Variants in ARID4B observed in about 807,000 individuals in gnomAD.
ARID4B encodes AT-rich interaction domain 4B, also known as AT-rich interactive domain-containing protein 4B.
ARID4B carries 26 observed loss-of-function variants against 147.5 expected under a neutral mutation model. The observed-to-expected ratio is 0.18, with a 90% CI of 0.13 to 0.24. ARID4B has a LOEUF of 0.24. Among genes scored for constraint, ARID4B ranks in the 10% least tolerant of loss-of-function variants. The probability of loss-of-function intolerance (pLI) is 1.00; values close to 1 mark genes in which losing one functional copy is unlikely to be tolerated. For missense variants in ARID4B, 1,179 were observed against 1,511.5 expected (o/e 0.78, Z 3.65); for synonymous variants, 512 against 507.9 (o/e 1.01, Z -0.11).
chr1:235,181,874 G>C lies in ARID4B; in HGVS notation c.3045C>G (p.Gly1015=), dbSNP rs752754514. The part of the protein sequence containing the change: ...NDRKAEFPSS[G]SNSVLNTPPT... Reference sequence around the variant, plus strand: ...GAGGGGTATTTAGCACTGAATTACTGCCACTACTTGGAAATTCTGCTTTTC... The same window carrying C: ...GAGGGGTATTTAGCACTGAATTACTCCCACTACTTGGAAATTCTGCTTTTC... The change falls in exon 20 of 24, where the codon GGC becomes GGG. Residue 1015 remains glycine, a synonymous_variant. Coordinates refer to ENST00000264183, the MANE Select transcript of ARID4B (RefSeq NM_016374.6). 7.4e-6 allele frequency: 12 copies of C among 1,614,004 alleles called. No homozygotes were observed. The Admixed American group carries it at 2.0e-4, about 27-fold the overall frequency.
At chr1:235,324,074 T>G (rs965987291) in intron 2 of ARID4B, among the ~76,000 whole-genome samples, 5 of 151,658 alleles carry the variant, frequency 3.3e-5, no homozygotes, top group Non-Finnish European at 7.4e-5. Flanking sequence ...CCCAGCTAAT[T>G]TTGTATTTTT....
At chr1:235,219,568 C>T (rs1002587125) in intron 16 of ARID4B, among the ~76,000 whole-genome samples, 8 of 152,116 alleles carry the variant, frequency 5.3e-5, no homozygotes, top group African/African-American at 1.9e-4. Context: ...TTATCAATTT[C>T]CATGATGAGA....
At chr1:235,204,049 T>C (rs1003265928) in intron 17 of ARID4B, among the ~76,000 whole-genome samples, 1 of 152,138 alleles carries the variant, frequency 6.6e-6, no homozygotes, top group Admixed American at 6.5e-5. Flanking sequence ...TCCTGCCGGG[T>C]GCAGTGGCTC....
rs988466923 is a variant in ARID4B, at chr1:235,167,564, A to G, written c.*961T>C. 5.0e-5 allele frequency: 11 copies of G among 220,648 alleles called. No individual in the cohort carries two copies. The highest frequency in any genetic ancestry group is 4.0e-4 in the Admixed American group (7 of 17,350). The allele number at this position is 220,648 out of a possible 1,614,324, so 13.7% of individuals were successfully genotyped here. A position where few individuals can be genotyped will look rare whatever the true frequency, so the allele number is the denominator to read the frequency against. On this transcript the variant is annotated 3_prime_UTR_variant, in exon 24 of 24. Coordinates refer to ENST00000264183, the MANE Select transcript of ARID4B (RefSeq NM_016374.6). ...CCACCATCCTTTTGAGACAGTTCCT[A>G]TCAACAATCTTGAACCATACTAATA...
At chr1:235,236,833 A>ATATATATATATATATATATATGTGTAT (rs1668597409) in intron 8 of ARID4B, among the ~76,000 whole-genome samples, 7 of 33,522 alleles carry the variant, frequency 2.1e-4, no homozygotes, top group South Asian at 1.6e-3. Flanking sequence ...TTTTATAAAA[A>ATATATATATATATATATATATGTGTAT]ATATATATAT....
chr1:235,272,874 G>A (rs183461541), intron 2 of ARID4B, among the ~76,000 whole-genome samples: 4 of 152,102 alleles, frequency 2.6e-5, no homozygotes, highest in Admixed American at 6.5e-5. Flanking sequence ...ATCAGATCAC[G>A]TAGAAATTAG....
In ARID4B at chr1:235,257,181, G is replaced by C. The variant is rs575405740; in HGVS notation, c.162C>G (p.Asp54Glu). The stretch of plus-strand genomic sequence containing the variant: ...TTACCTTTAGTGGGCCCTTTATGTG[G>C]TCATCCTGAACTTCCACTGTTGAAG... Reference protein sequence around the residue: ...HDSSTVEVQDDHIKGPLKVGA... With the variant: ...HDSSTVEVQDEHIKGPLKVGA... Residue 54 changes from aspartate to glutamate, a missense_variant, in exon 4 of 24, where the codon GAC becomes GAG. Asp to Glu is a conservative substitution (Grantham distance 45). Around this residue, in one of 10 missense-constraint regions of ARID4B, gnomAD observed 56 missense variants for 99.2 expected, o/e 0.56. Coordinates refer to ENST00000264183, the MANE Select transcript of ARID4B (RefSeq NM_016374.6). 1 of 1,611,910 alleles carries C rather than the reference G, an allele frequency of 6.2e-7. No homozygotes were observed. Among genetic ancestry groups the C allele is most frequent in the African/African-American group, 1.3e-5 (1 of 74,830 alleles).
chr1:235,200,447 C>A (rs1020274275), intron 17 of ARID4B, among the ~76,000 whole-genome samples: 1 of 152,028 alleles, frequency 6.6e-6, no homozygotes, highest in Non-Finnish European at 1.5e-5. Flanking sequence ...GGTGACAGAG[C>A]AAGACTCATC....
At position 235,269,038 on chromosome 1, in the gene ARID4B, T is replaced by C. The variant is rs141259758; in HGVS notation, c.7-8286A>G. On this transcript the variant is annotated intron_variant, in intron 2 of 23. Coordinates refer to ENST00000264183, the MANE Select transcript of ARID4B (RefSeq NM_016374.6). ...TTGTGCTATTATCTCCTTAGGGATA[T>C]ATATGTATGTCAAACTGATCAACTT... is the stretch of plus-strand genomic sequence containing the variant. Among the ~76,000 whole-genome samples, 565 of 152,300 alleles carry C rather than the reference T, an allele frequency of 3.7e-3. 1 individual carries two copies. The highest frequency in any genetic ancestry group is 5.8e-3 in the Non-Finnish European group (397 of 68,020).
In ARID4B at chr1:235,219,825, C is replaced by T. The variant is rs748184622; in HGVS notation, c.1551G>A (p.Lys517=). 6.2e-7 allele frequency: 1 copy of T among 1,602,528 alleles called. No homozygotes were observed. The highest frequency in any genetic ancestry group is 8.5e-7 in the Non-Finnish European group (1 of 1,177,332). Residue 517 remains lysine (K), a synonymous_variant, in exon 16 of 24, where the codon AAG becomes AAA. Coordinates refer to ENST00000264183, the MANE Select transcript of ARID4B (RefSeq NM_016374.6). The part of the protein sequence containing the change: ...TTRVDESLNI[K]VEAEEEKAKS... Reference sequence around the variant, plus strand: ...TTGCTTTTTCTTCCTCAGCTTCTACCTTTATGTTGAGGGATTCATCTACCC... The same window carrying T: ...TTGCTTTTTCTTCCTCAGCTTCTACTTTTATGTTGAGGGATTCATCTACCC...
chr1:235,194,333 G>C (rs1041461519), intron 18 of ARID4B, 122 bp from the exon 19 acceptor site: 2 of 800,870 alleles, frequency 2.5e-6, no homozygotes, highest in African/African-American at 3.5e-5. Flanking sequence ...TAAAAAGAAA[G>C]AACATAAGAA....
chr1:235,274,993 T>TTGTGTGTGTGTGTGTGTG (rs72168611), intron 2 of ARID4B, among the ~76,000 whole-genome samples: 1 of 148,422 alleles, frequency 6.7e-6, no homozygotes, highest in African/African-American at 2.5e-5. Context: ...AGGCCTAATT[T>TTGTGTGTGTGTGTGTGTG]TGTGTGTGTG....
At chr1:235,193,488 T>C (rs981781099) in intron 19 of ARID4B, among the ~76,000 whole-genome samples, 2 of 152,192 alleles carry the variant, frequency 1.3e-5, no homozygotes, top group African/African-American at 4.8e-5. Context: ...TGGTCTGATG[T>C]TGTATAACAC....
intron 7 of ARID4B, among the ~76,000 whole-genome samples, chr1:235,244,225 T>G (rs1315362191): frequency 6.6e-6 from 1 of 152,176 alleles, no homozygotes. Context: ...ATTGTAAACC[T>G]TATGCTTTAT....
intron 17 of ARID4B, among the ~76,000 whole-genome samples, chr1:235,212,333 G>A (rs1368779544): frequency 2.0e-5 from 3 of 152,146 alleles, no homozygotes; most frequent in African/African-American, 7.2e-5. Flanking sequence ...AGTGGTATCT[G>A]GAAAAACTTA....
At chr1:235,271,055 TA>T (rs571601261) in intron 2 of ARID4B, among the ~76,000 whole-genome samples, 26 of 147,946 alleles carry the variant, frequency 1.8e-4, no homozygotes, top group South Asian at 2.1e-4. Context: ...GAGTTTGATT[TA>T]AAAAAAAAAA....
At chr1:235,276,190 CAAAAAAAAAA>C (rs1190767913) in intron 2 of ARID4B, among the ~76,000 whole-genome samples, 1 of 56,040 alleles carries the variant, frequency 1.8e-5, no homozygotes, top group Non-Finnish European at 4.0e-5. Context: ...ACATACGAAG[CAAAAAAAAAA>C]AAAAAAAGAT....
intron 13 of ARID4B, 123 bp downstream of exon 13, chr1:235,223,043 T>A (rs1211923629): frequency 1.1e-5 from 7 of 652,264 alleles, no homozygotes; most frequent in Non-Finnish European, 1.8e-5. Flanking sequence ...CCACTTTATC[T>A]TCTTCTTAGG....
At chr1:235,288,441 T>C (rs1044568125) in intron 2 of ARID4B, among the ~76,000 whole-genome samples, 1 of 152,262 alleles carries the variant, frequency 6.6e-6, no homozygotes, top group African/African-American at 2.4e-5. Context: ...CCATATTTAA[T>C]AACATTTCTG....
Sources: allele counts gnomAD v4.1 joint callset (sites outside exome capture counted in the v4.1 genomes callset), GRCh38; gene constraint gnomAD v4.1.1; regional missense constraint gnomAD v4.1.1; transcripts MANE v1.5; gene names NCBI Gene and HGNC (gene_info 2026-07-23, HGNC 2026-07-21).